The following RET variants were observed in gnomAD, a reference collection of about 807,000 sequenced individuals.
RET encodes proto-oncogene tyrosine-protein kinase receptor Ret.
A neutral mutation model predicts 118.3 loss-of-function variants in RET; 19 were observed. The observed-to-expected ratio is 0.16, with a 90% CI of 0.11 to 0.24. The LOEUF is 0.24. RET is among the 10% of genes least tolerant of loss of function. The pLI is 1.00. For synonymous variants in RET, 597 were observed against 644.1 expected (o/e 0.93, Z 1.11); for missense variants, 1,219 against 1,502.1 (o/e 0.81, Z 3.12).
intron 7 of RET, among the ~76,000 whole-genome samples, 165 bp from the exon 8 acceptor site, chr10:43,111,934 G>A (rs533610351): frequency 1.2e-4 from 19 of 152,328 alleles, no homozygotes; most frequent in African/African-American, 3.6e-4. Flanking sequence ...CCTGCCCTGC[G>A]CCCTGTGCTC....
intron 5 of RET, among the ~76,000 whole-genome samples, chr10:43,107,344 C>G (rs2132727618): frequency 6.6e-6 from 1 of 152,318 alleles, no homozygotes; most frequent in East Asian, 1.9e-4. Context: ...GAGTGCCCCT[C>G]CCATCATTGT....
chr10:43,080,756 A>C (rs1313650270), intron 1 of RET, among the ~76,000 whole-genome samples: 1 of 152,238 alleles, frequency 6.6e-6, no homozygotes, highest in Non-Finnish European at 1.5e-5. Context: ...GATGTCTGGG[A>C]GTCCTATGGG....
At chr10:43,094,199 G>A (rs1007171607) in intron 1 of RET, among the ~76,000 whole-genome samples, 3 of 151,934 alleles carry the variant, frequency 2.0e-5, no homozygotes, top group South Asian at 2.1e-4. Flanking sequence ...GGCGGGGACC[G>A]CCTCTTTCCA....
intron 1 of RET, among the ~76,000 whole-genome samples, chr10:43,080,960 G>A (rs1564482296): frequency 6.6e-6 from 1 of 152,230 alleles, no homozygotes; most frequent in East Asian, 1.9e-4. Flanking sequence ...AGACAAGGGT[G>A]CAGGGATGGG....
At chr10:43,118,555 C>G in intron 13 of RET, 75 bp downstream of exon 13, 1 of 1,070,570 alleles carries the variant, frequency 9.3e-7, no homozygotes, top group Non-Finnish European at 1.4e-6. Flanking sequence ...TGTTCTCCCT[C>G]TTTCTCCCTT....
At chr10:43,080,638 C>T (rs147767633) in intron 1 of RET, among the ~76,000 whole-genome samples, 2 of 152,230 alleles carry the variant, frequency 1.3e-5, no homozygotes, top group African/African-American at 4.8e-5. Context: ...TGAGTCCCCC[C>T]ACCTCGGGCT....
intron 1 of RET, among the ~76,000 whole-genome samples, chr10:43,098,178 T>G (rs1390821226): frequency 1.3e-5 from 2 of 152,142 alleles, no homozygotes; most frequent in Non-Finnish European, 2.9e-5. Context: ...CATCACCACC[T>G]CCGTCCCTGA....
chr10:43,093,848 T>C (rs1211701180), intron 1 of RET, among the ~76,000 whole-genome samples: 3 of 151,768 alleles, frequency 2.0e-5, no homozygotes, highest in Admixed American at 1.3e-4. Context: ...GGGCCTTCCA[T>C]GAATGACGTC....
intron 1 of RET, among the ~76,000 whole-genome samples, chr10:43,087,702 A>G (rs2435356): frequency 0.8 from 121,283 of 152,188 alleles, 49,367 homozygotes; most frequent in African/African-American, 0.95. Context: ...CCTGCTCTTT[A>G]TGCCAGGGAT....
At position 43,119,733 on chromosome 10, in the gene RET, G is replaced by C; in HGVS notation, c.2595G>C (p.Leu865=). ...AGATCTCACAGGGGATGCAGTATCT[G>C]GCCGAGATGAAGGTGCGTGCATATG... ...AWQISQGMQY[L]AEMKLVHRDL... The change falls in exon 14 of 20, where the codon CTG becomes CTC. Residue 865 remains leucine (L), a synonymous_variant. Transcript: ENST00000355710. The C allele has an allele frequency of 6.2e-7, 1 of 1,613,310 alleles. No homozygotes were observed. Among genetic ancestry groups the C allele is most frequent in the Non-Finnish European group, 8.5e-7 (1 of 1,179,932 alleles).
intron 10 of RET, 31 bp downstream of exon 10, chr10:43,113,706 C>T (rs1365465203): frequency 6.2e-7 from 1 of 1,611,570 alleles, no homozygotes; most frequent in East Asian, 2.2e-5. Flanking sequence ...ACCACCACCA[C>T]CTCCCAGCCC....
At chr10:43,102,816 A>C in intron 3 of RET, 187 bp downstream of exon 3, 1 of 694,664 alleles carries the variant, frequency 1.4e-6, no homozygotes. Flanking sequence ...GGATATAACA[A>C]TGAACACAAC....
At position 43,102,263 on chromosome 10, in the gene RET, G is replaced by A. The variant is rs961471178; in HGVS notation, c.338-79G>A. 1.7e-5 allele frequency: 26 copies of A among 1,573,734 alleles called. 1 individual carries two copies. In the South Asian group the frequency reaches 2.2e-4, roughly 13 times the overall value. ...GGGGACCAGGGTTTACACCAGCCCT[G>A]GAGCTCCTGCCTCCTCCCCATTCCC... On this transcript the variant is annotated intron_variant, in intron 2 of 19. Coordinates refer to ENST00000355710, the MANE Select transcript of RET (RefSeq NM_020975.6).
chr10:43,090,617 C>A lies in RET; in HGVS notation c.74-9842C>A, dbSNP rs115684578. Among the ~76,000 whole-genome samples the A allele has an allele frequency of 7.8e-3, 1,194 of 152,138 alleles. 16 individuals are homozygous for A. The highest frequency in any genetic ancestry group is 0.028 in the African/African-American group (1,148 of 41,424). ...CCACATCCAAAAGCAAAATTATATT[C>A]TGCAACTGTGTTGGTATAAGACAAA... is the stretch of plus-strand genomic sequence containing the variant. On this transcript the variant is annotated intron_variant, in intron 1 of 19. Coordinates refer to ENST00000355710, the MANE Select transcript of RET (RefSeq NM_020975.6).
rs748609507 is a variant in RET, at chr10:43,102,506, C to T, written c.502C>T (p.Pro168Ser). 6.2e-7 allele frequency: 1 copy of T among 1,614,206 alleles called. No homozygotes were observed. The highest frequency in any genetic ancestry group is 1.1e-5 in the South Asian group (1 of 91,086). ...CCTCAAGCCCCGGGAGCTCTGCTTC[C>T]CAGAGACAAGGCCCTCCTTCCGCAT... ...SSLKPRELCF[P>S]ETRPSFRIRE... Residue 168 changes from proline (P) to serine (S), a missense_variant, in exon 3 of 20, where the codon CCA (proline) becomes TCA (serine). By Grantham distance (74) the Pro-to-Ser change is moderately conservative (BLOSUM62 -1). Coordinates refer to ENST00000355710, the MANE Select transcript of RET (RefSeq NM_020975.6).
intron 1 of RET, among the ~76,000 whole-genome samples, chr10:43,080,454 T>A (rs1837154909): frequency 6.6e-6 from 1 of 152,164 alleles, no homozygotes; most frequent in South Asian, 2.1e-4. Flanking sequence ...ATTTCACAGG[T>A]GAGGAAACAG....
intron 15 of RET, among the ~76,000 whole-genome samples, 176 bp downstream of exon 15, chr10:43,120,379 C>T (rs1041234791): frequency 1.3e-5 from 2 of 152,186 alleles, no homozygotes; most frequent in African/African-American, 2.4e-5. Context: ...ATTAGAACTC[C>T]GCTCAGCCTC....
At chr10:43,104,845 G>T in intron 3 of RET, 107 bp from the exon 4 acceptor site, 1 of 1,487,252 alleles carries the variant, frequency 6.7e-7, no homozygotes, top group Non-Finnish European at 8.9e-7. Context: ...GCCTGGGGCC[G>T]CGGCGGTGTG....
At chr10:43,090,921 G>C (rs1390784034) in intron 1 of RET, among the ~76,000 whole-genome samples, 1 of 151,022 alleles carries the variant, frequency 6.6e-6, no homozygotes, top group Non-Finnish European at 1.5e-5. Context: ...TGGATGCTGT[G>C]GTCTCATGAG....
Sources: gnomAD v4.1 joint callset for allele counts (sites outside exome capture counted in the v4.1 genomes callset) on GRCh38, gnomAD v4.1.1 for gene constraint, MANE v1.5 for transcripts, NCBI Gene and HGNC (gene_info 2026-07-23, HGNC 2026-07-21) for gene names.